The following CALCOCO2 variants were observed in gnomAD, a reference collection of about 807,000 sequenced individuals.
CALCOCO2 encodes calcium binding and coiled-coil domain 2.
A neutral mutation model predicts 62.5 loss-of-function variants in CALCOCO2; 42 were observed. The ratio of observed to expected loss-of-function variants is 0.67; its 90% confidence interval spans 0.53 to 0.87. The LOEUF (loss-of-function observed/expected upper bound fraction) is 0.87. Ranked by LOEUF, CALCOCO2 falls within the 40% of genes least tolerant of loss-of-function variation. The pLI, the probability that CALCOCO2 is intolerant of heterozygous loss-of-function variation, is 0.00. For synonymous variants in CALCOCO2, 167 were observed against 173.0 expected, an observed-to-expected ratio of 0.97 and a Z score of 0.27; for missense variants, 456 against 515.0, an observed-to-expected ratio of 0.89 and a Z score of 1.11.
intron 2 of CALCOCO2, among the ~76,000 whole-genome samples, chr17:48,847,424 A>C (rs546603511): frequency 2.0e-5 from 3 of 152,240 alleles, no homozygotes; most frequent in African/African-American, 7.2e-5. Flanking sequence ...TCTCAGCTCT[A>C]TCTCTGACTT....
intron 10 of CALCOCO2, 30 bp downstream of exon 10, chr17:48,856,217 C>A (rs985808435): frequency 7.7e-6 from 10 of 1,296,740 alleles, no homozygotes; most frequent in African/African-American, 1.5e-5. Flanking sequence ...TATAAAACCC[C>A]AAGGTTTTAA....
At position 48,852,620 on chromosome 17, in the gene CALCOCO2, A is replaced by G. The variant is rs17849804; in HGVS notation, c.817A>G (p.Thr273Ala). ...KENDHLFLSLTEQRKDQKKLE... is the reference protein window; with the variant it reads ...KENDHLFLSLAEQRKDQKKLE... ...AAATGACCACCTCTTTCTCAGTTTA[A>G]CTGAACAGGTAGAGTCATGAGAGAA... The change falls in exon 8 of 13, where the codon ACT becomes GCT. Residue 273 changes from threonine to alanine, a missense_variant. Around this residue, in one of 3 missense-constraint regions of CALCOCO2, gnomAD observed 172 missense variants for 210.3 expected, o/e 0.82. Coordinates refer to ENST00000258947, the MANE Select transcript of CALCOCO2 (RefSeq NM_005831.5). 6,016 of 1,613,720 alleles carry G rather than the reference A, an allele frequency of 3.7e-3. 18 individuals carry two copies. The highest frequency in any genetic ancestry group is 4.6e-3 in the Non-Finnish European group (5,428 of 1,179,654).
At chr17:48,862,580 G>C (rs1386361438) in intron 12 of CALCOCO2, among the ~76,000 whole-genome samples, 1 of 152,206 alleles carries the variant, frequency 6.6e-6, no homozygotes, top group Non-Finnish European at 1.5e-5. Context: ...AGCCAAACAA[G>C]TTCTGTCCAA....
chr17:48,854,398 T>TATATA (rs1567757340), intron 9 of CALCOCO2, among the ~76,000 whole-genome samples: 157 of 1,328 alleles, frequency 0.12, 11 homozygotes, highest in African/African-American at 0.16. Flanking sequence ...ATATATATAT[T>TATATA]TTTTTTTTTT....
At chr17:48,862,375 G>C in intron 12 of CALCOCO2, 71 bp downstream of exon 12, 1 of 1,019,158 alleles carries the variant, frequency 9.8e-7, no homozygotes, top group Non-Finnish European at 1.6e-6. Context: ...CAGTTCATGG[G>C]AGAACCATAG....
intron 1 of CALCOCO2, among the ~76,000 whole-genome samples, chr17:48,832,400 C>A: frequency 6.6e-6 from 1 of 152,110 alleles, no homozygotes; most frequent in East Asian, 1.9e-4. Flanking sequence ...TCTCAAAAAA[C>A]AAACAAACAA....
intron 9 of CALCOCO2, 119 bp downstream of exon 9, chr17:48,853,131 GT>G (rs1567756759): frequency 1.5e-6 from 1 of 670,312 alleles, no homozygotes; most frequent in Non-Finnish European, 2.6e-6. Flanking sequence ...ACCTCTAGAT[GT>G]TTTGCTTTCT....
intron 5 of CALCOCO2, 85 bp downstream of exon 5, chr17:48,849,462 C>T (rs2143625020): frequency 8.5e-7 from 1 of 1,180,744 alleles, no homozygotes; most frequent in African/African-American, 1.5e-5. Context: ...TTCTGTTTTG[C>T]CTGTGATCTC....
At position 48,863,195 on chromosome 17, in the gene CALCOCO2, G is replaced by A; in HGVS notation, c.*190G>A. On this transcript the variant is annotated 3_prime_UTR_variant, in exon 13 of 13. Coordinates refer to ENST00000258947, the MANE Select transcript of CALCOCO2 (RefSeq NM_005831.5). Reference sequence around the variant, plus strand: ...GTTAAGGGCTTCTGCTGCCATCCTTGTGGGTTGCTACCTTTAAGTCGCATA... The same window carrying A: ...GTTAAGGGCTTCTGCTGCCATCCTTATGGGTTGCTACCTTTAAGTCGCATA... The A allele has an allele frequency of 1.8e-6, 1 of 559,380 alleles. No homozygotes were observed. Among genetic ancestry groups the A allele is most frequent in the Non-Finnish European group, 3.2e-6 (1 of 310,388 alleles). The allele number at this position is 559,380 out of a possible 1,614,324, so 34.7% of individuals were successfully genotyped here.
rs752450000 is a variant in CALCOCO2 at position 48,856,187 on chromosome 17, TG to T, written c.1008+1del. The T allele has an allele frequency of 1.9e-6, 3 of 1,545,464 alleles. No individual in the cohort carries two copies. Among genetic ancestry groups the T allele is most frequent in the Non-Finnish European group, 2.7e-6 (3 of 1,119,256 alleles). ...AAGAGAGATTGGAAGGAGAAAATGA[TG>T]TAAGTGTGTGAAAGAGGGTATAAAA... On this transcript the variant is annotated splice_donor_variant, in intron 10 of 12. Coordinates refer to ENST00000258947, the MANE Select transcript of CALCOCO2 (RefSeq NM_005831.5). LOFTEE classifies it high-confidence loss of function.
intron 1 of CALCOCO2, among the ~76,000 whole-genome samples, chr17:48,833,175 A>G (rs1003722832): frequency 3.7e-4 from 57 of 152,204 alleles, no homozygotes; most frequent in Admixed American, 1.1e-3. Context: ...AAGGCTGGTT[A>G]TGTGTAAGCA....
In CALCOCO2 at chr17:48,858,017, T is replaced by C. The variant is rs911853680; in HGVS notation, c.1008+1830T>C. 9.3e-3 allele frequency among the ~76,000 whole-genome samples: 144 copies of C among 15,486 alleles called. 1 individual carries two copies. The highest frequency in any genetic ancestry group is 0.039 in the South Asian group (6 of 154). 10.2% of individuals were successfully genotyped at this position (15,486 alleles called of 152,430 possible). The stretch of plus-strand genomic sequence containing the variant: ...TAGAATAGAATAGAATAGAATAGAA[T>C]AGAATAGAATAGAATAGAATAGAAT... On this transcript the variant is annotated intron_variant, in intron 10 of 12. Coordinates refer to ENST00000258947, the MANE Select transcript of CALCOCO2 (RefSeq NM_005831.5).
rs923924224 is a variant in CALCOCO2 at position 48,858,004 on chromosome 17, G to A, written c.1008+1817G>A. 1.0e-4 allele frequency among the ~76,000 whole-genome samples: 2 copies of A among 19,444 alleles called. 1 individual carries two copies. Among genetic ancestry groups the A allele is most frequent in the Non-Finnish European group, 2.7e-4 (2 of 7,418 alleles). The allele number at this position is 19,444 out of a possible 152,430, so 12.8% of individuals were successfully genotyped here. A position where few individuals can be genotyped will look rare whatever the true frequency, so the allele number is the denominator to read the frequency against. On this transcript the variant is annotated intron_variant, in intron 10 of 12. Transcript: ENST00000258947. ...GAATAGAATAGAATAGAATAGAATA[G>A]AATAGAATAGAATAGAATAGAATAG...
intron 10 of CALCOCO2, among the ~76,000 whole-genome samples, chr17:48,858,769 T>C (rs1367329918): frequency 6.6e-6 from 1 of 151,888 alleles, no homozygotes; most frequent in East Asian, 1.9e-4. Context: ...TGTTAAGAAC[T>C]GTAGGCCGGG....
chr17:48,835,665 T>C (rs2039879874), intron 1 of CALCOCO2, among the ~76,000 whole-genome samples: 1 of 152,206 alleles, frequency 6.6e-6, no homozygotes, highest in Non-Finnish European at 1.5e-5. Flanking sequence ...GTGTTGTCTA[T>C]ATATGTGCTG....
intron 1 of CALCOCO2, among the ~76,000 whole-genome samples, chr17:48,839,099 C>CT (rs1408602279): frequency 1.3e-5 from 2 of 151,598 alleles, no homozygotes; most frequent in African/African-American, 4.9e-5. Flanking sequence ...ACTCGGCCTC[C>CT]CGGGTTCCTG....
At position 48,852,986 on chromosome 17, in the gene CALCOCO2, G is replaced by T; in HGVS notation, c.886G>T (p.Ala296Ser). The change falls in exon 9 of 13, where the codon GCA becomes TCA. Residue 296 changes from alanine (A) to serine (S), a missense_variant. Coordinates refer to ENST00000258947, the MANE Select transcript of CALCOCO2 (RefSeq NM_005831.5). ...GCAAATGAAGCAGAATGAAACTACT[G>T]CAATGAAGAAACAACAGGAATTAAT... ...VEQMKQNETT[A>S]MKKQQELMDE... 6.2e-7 allele frequency: 1 copy of T among 1,612,958 alleles called. No homozygotes were observed. The highest frequency in any genetic ancestry group is 8.5e-7 in the Non-Finnish European group (1 of 1,178,994).
At chr17:48,852,419 C>A in intron 7 of CALCOCO2, 87 bp from the exon 8 acceptor site, 1 of 1,211,714 alleles carries the variant, frequency 8.3e-7, no homozygotes, top group Non-Finnish European at 1.2e-6. Flanking sequence ...GGAAACACAT[C>A]TCTTTGTTAT....
At chr17:48,831,333 G>A (rs2039808181) in intron 1 of CALCOCO2, 1 of 152,252 alleles carries the variant, frequency 6.6e-6, no homozygotes, top group South Asian at 2.1e-4. Context: ...GAGGCTCCTC[G>A]GGAAGAAGTG....
Sources: gnomAD v4.1 joint callset for allele counts (sites outside exome capture counted in the v4.1 genomes callset) on GRCh38, gnomAD v4.1.1 for gene constraint, gnomAD v4.1.1 regional missense constraint, MANE v1.5 for transcripts, NCBI Gene and HGNC (gene_info 2026-07-23, HGNC 2026-07-21) for gene names.